Variants in ASXL2 observed in about 807,000 individuals in gnomAD.
The protein encoded by ASXL2 is putative Polycomb group protein ASXL2.
In ASXL2, 23 loss-of-function variants were observed where a neutral mutation model predicts 122.0. The observed-to-expected ratio is 0.19, with a 90% CI of 0.14 to 0.27. The LOEUF is 0.27. ASXL2 is among the 10% of genes least tolerant of loss of function. The pLI, the probability that ASXL2 is intolerant of heterozygous loss-of-function variation, is 1.00. For missense variants in ASXL2, 1,518 were observed against 1,713.8 expected (o/e 0.89, Z 2.02); for synonymous variants, 650 against 637.0 (o/e 1.02, Z -0.31).
chr2:25,743,122 T>C lies in ASXL2; in HGVS notation c.3215A>G (p.Gln1072Arg), dbSNP rs1256185987. 6.2e-7 allele frequency: 1 copy of C among 1,614,008 alleles called. No homozygotes were observed. The change falls in exon 13 of 13, where the codon CAG (glutamine) becomes CGG (arginine). Residue 1072 changes from glutamine (Q) to arginine (R), a missense_variant. Coordinates refer to ENST00000435504, the MANE Select transcript of ASXL2 (RefSeq NM_018263.6). Reference sequence around the variant, plus strand: ...GAGAAGATTCTGCCTCCGAACCCTCTGAATGAGAGTCTGAAGGATCTGATC... The same window carrying C: ...GAGAAGATTCTGCCTCCGAACCCTCCGAATGAGAGTCTGAAGGATCTGATC... ...TQDQILQTLI[Q>R]RVRRQNLLSV... is the part of the protein sequence containing the mutation.
rs531758111 is a variant in ASXL2 at position 25,765,256 on chromosome 2, C to T, written c.775+2327G>A. Among the ~76,000 whole-genome samples, 10 of 152,108 alleles carry T rather than the reference C, an allele frequency of 6.6e-5. No individual in the cohort carries two copies. The South Asian group carries it at 1.0e-3, about 16-fold the overall frequency. ...ATCCCAGCACTTTAGGAGGCCAAGGCGGGCAGATCACGAGGTCAGGAGATC... is the reference window on the plus strand; with the variant it reads ...ATCCCAGCACTTTAGGAGGCCAAGGTGGGCAGATCACGAGGTCAGGAGATC... On this transcript the variant is annotated intron_variant, in intron 8 of 12. Coordinates refer to ENST00000435504, the MANE Select transcript of ASXL2 (RefSeq NM_018263.6).
chr2:25,769,903 T>A (rs1044596240), intron 6 of ASXL2, among the ~76,000 whole-genome samples: 2 of 152,210 alleles, frequency 1.3e-5, no homozygotes, highest in Non-Finnish European at 2.9e-5. Flanking sequence ...TCACTCTAAG[T>A]TGCCAATGCA....
intron 8 of ASXL2, among the ~76,000 whole-genome samples, chr2:25,762,187 G>A (rs1309577474): frequency 2.0e-5 from 3 of 151,248 alleles, no homozygotes; most frequent in Admixed American, 6.6e-5. Flanking sequence ...ATAGAAGTAT[G>A]ATATATCAAT....
At chr2:25,825,784 G>A (rs1354297637) in intron 3 of ASXL2, among the ~76,000 whole-genome samples, 1 of 152,112 alleles carries the variant, frequency 6.6e-6, no homozygotes, top group Non-Finnish European at 1.5e-5. Context: ...CTCTGCTTTC[G>A]ATTCTTTTGC....
chr2:25,865,701 G>C (rs2089895291), intron 1 of ASXL2, among the ~76,000 whole-genome samples: 1 of 137,004 alleles, frequency 7.3e-6, no homozygotes. Flanking sequence ...CGTGAACCCA[G>C]GATGCAGAGC....
chr2:25,867,951 GATTGCT>G (rs1285863373), intron 1 of ASXL2, among the ~76,000 whole-genome samples: 1 of 152,120 alleles, frequency 6.6e-6, no homozygotes, highest in Non-Finnish European at 1.5e-5. Context: ...ATTACTATTA[GATTGCT>G]ATTATGCAGC....
At chr2:25,786,836 CAG>C (rs1309186453) in intron 5 of ASXL2, among the ~76,000 whole-genome samples, 2 of 151,910 alleles carry the variant, frequency 1.3e-5, no homozygotes, top group Non-Finnish European at 2.9e-5. Flanking sequence ...GCCTAGGTGA[CAG>C]AGAGAGACCC....
At chr2:25,746,883 C>T (rs1644819073) in intron 12 of ASXL2, among the ~76,000 whole-genome samples, 1 of 152,096 alleles carries the variant, frequency 6.6e-6, no homozygotes, top group African/African-American at 2.4e-5. Context: ...AGATTCAATC[C>T]TTTTCTTTTT....
rs768970562 is a variant in ASXL2, at chr2:25,750,220, C to T, written c.1336G>A (p.Glu446Lys). ...LQMSSPGRKE[E>K]CESQGEVQPN... ...TGCACTTCACCTTGGCTTTCACACT[C>T]TTCTTTTCTGCCTGGTGATGACATT... Residue 446 changes from glutamate (E) to lysine (K), a missense_variant, in exon 12 of 13, where the codon GAG (glutamate) becomes AAG (lysine). Coordinates refer to ENST00000435504, the MANE Select transcript of ASXL2 (RefSeq NM_018263.6). The T allele has an allele frequency of 1.9e-6, 3 of 1,614,006 alleles. No individual in the cohort carries two copies. The highest frequency in any genetic ancestry group is 2.5e-6 in the Non-Finnish European group (3 of 1,179,886).
chr2:25,802,540 G>A (rs1191564895), intron 4 of ASXL2, among the ~76,000 whole-genome samples: 1 of 152,120 alleles, frequency 6.6e-6, no homozygotes, highest in Non-Finnish European at 1.5e-5. Flanking sequence ...TAAGACCTCT[G>A]CAATTTCCTG....
intron 3 of ASXL2, chr2:25,822,542 A>G (rs2089325423): frequency 2.0e-6 from 1 of 494,156 alleles, no homozygotes; most frequent in Non-Finnish European, 3.9e-6. Flanking sequence ...CACAGTAAGG[A>G]TGTTCATGTA....
At chr2:25,750,455 C>A in intron 11 of ASXL2, 42 bp from the exon 12 acceptor site, 1 of 1,510,162 alleles carries the variant, frequency 6.6e-7, no homozygotes, top group Non-Finnish European at 8.9e-7. Flanking sequence ...GAAAAATAGC[C>A]CATGTTGCGA....
At chr2:25,802,238 T>A (rs554224794) in intron 4 of ASXL2, among the ~76,000 whole-genome samples, 2 of 152,218 alleles carry the variant, frequency 1.3e-5, no homozygotes, top group Non-Finnish European at 2.9e-5. Flanking sequence ...TATTTCTCTA[T>A]ATTATCACAT....
chr2:25,848,113 A>C (rs1291956463), intron 1 of ASXL2, among the ~76,000 whole-genome samples: 1 of 152,230 alleles, frequency 6.6e-6, no homozygotes, highest in Non-Finnish European at 1.5e-5. Flanking sequence ...AAATTAATAA[A>C]TATTTCTAGA....
chr2:25,765,692 A>G (rs985193716), intron 8 of ASXL2, among the ~76,000 whole-genome samples: 24 of 152,286 alleles, frequency 1.6e-4, no homozygotes, highest in African/African-American at 5.5e-4. Flanking sequence ...TTCCTGGTCC[A>G]TAATTTCTCA....
intron 3 of ASXL2, among the ~76,000 whole-genome samples, chr2:25,815,802 T>C (rs2089226106): frequency 6.6e-6 from 1 of 152,136 alleles, no homozygotes; most frequent in Non-Finnish European, 1.5e-5. Context: ...TGAGATTCCT[T>C]CAATGTTTAA....
chr2:25,743,158 T>C lies in ASXL2; in HGVS notation c.3179A>G (p.Lys1060Arg), dbSNP rs201921368. Reference sequence around the variant, plus strand: ...CTGAAGGATCTGATCTTGGGTTGCTTTACTTAGTCCTTCGTGGTATTGGTG... The same window carrying C: ...CTGAAGGATCTGATCTTGGGTTGCTCTACTTAGTCCTTCGTGGTATTGGTG... ...DTHQYHEGLS[K>R]ATQDQILQTL... Residue 1060 changes from lysine (K) to arginine (R), a missense_variant, in exon 13 of 13, where the codon AAA becomes AGA. Lys to Arg is a conservative substitution (Grantham distance 26). This residue lies in a region of ASXL2 where 831 missense variants were observed against 833.1 expected (regional missense o/e 1.00). Coordinates refer to ENST00000435504, the MANE Select transcript of ASXL2 (RefSeq NM_018263.6). 2.0e-4 allele frequency: 321 copies of C among 1,613,890 alleles called. No homozygotes were observed. Among genetic ancestry groups the C allele is most frequent in the Admixed American group, 3.7e-4 (22 of 59,996 alleles).
At chr2:25,756,387 T>C (rs182612576) in intron 9 of ASXL2, among the ~76,000 whole-genome samples, 54 of 140,332 alleles carry the variant, frequency 3.8e-4, no homozygotes, top group Admixed American at 1.5e-4. Flanking sequence ...ACCACACATA[T>C]AGTGCTGGAA....
chr2:25,837,332 A>C (rs2089524019), intron 2 of ASXL2, among the ~76,000 whole-genome samples: 2 of 152,186 alleles, frequency 1.3e-5, no homozygotes, highest in South Asian at 2.1e-4. Context: ...GTGTAGGCTT[A>C]ATGTGTAGAT....
Sources: gnomAD v4.1 joint callset for allele counts (sites outside exome capture counted in the v4.1 genomes callset) on GRCh38, gnomAD v4.1.1 for gene constraint, gnomAD v4.1.1 regional missense constraint, MANE v1.5 for transcripts, NCBI Gene and HGNC (gene_info 2026-07-23, HGNC 2026-07-21) for gene names.